The following ASIC2 variants were observed in gnomAD, a reference collection of about 807,000 sequenced individuals.
ASIC2 encodes acid-sensing ion channel 2.
ASIC2 carries 25 observed loss-of-function variants against 57.3 expected under a neutral mutation model. That is an observed-to-expected ratio of 0.44 (90% CI 0.32 to 0.61). The LOEUF (loss-of-function observed/expected upper bound fraction) is 0.61. Among genes scored for constraint, ASIC2 ranks in the 20% least tolerant of loss-of-function variants. ASIC2 has a pLI of 0.06. For synonymous variants in ASIC2, 319 were observed against 307.5 expected, an observed-to-expected ratio of 1.04 and a Z score of -0.39; for missense variants, 641 against 738.1, an observed-to-expected ratio of 0.87 and a Z score of 1.52.
At chr17:34,068,349 T>C (rs1442806385) in intron 1 of ASIC2, among the ~76,000 whole-genome samples, 1 of 152,172 alleles carries the variant, frequency 6.6e-6, no homozygotes, top group Non-Finnish European at 1.5e-5. Flanking sequence ...TCAGTGCTAA[T>C]AGAAAACTCA....
At chr17:33,308,047 T>C (rs1382227276) in intron 1 of ASIC2, among the ~76,000 whole-genome samples, 2 of 152,190 alleles carry the variant, frequency 1.3e-5, no homozygotes. Context: ...AAGGAAAGGA[T>C]CTTGAGTTTG....
chr17:34,108,980 T>C (rs1911166972), intron 1 of ASIC2, among the ~76,000 whole-genome samples: 2 of 151,966 alleles, frequency 1.3e-5, no homozygotes. Flanking sequence ...TGGAATATCT[T>C]ATCTTTTTAC....
At chr17:34,099,166 A>AGAGAGAG (rs1567820948) in intron 1 of ASIC2, among the ~76,000 whole-genome samples, 1 of 5,956 alleles carries the variant, frequency 1.7e-4, no homozygotes, top group African/African-American at 2.7e-4. Context: ...GAGAGAGAGA[A>AGAGAGAG]AGAAAGAAAG....
intron 3 of ASIC2, among the ~76,000 whole-genome samples, chr17:33,072,807 A>G (rs988841528): frequency 1.3e-5 from 2 of 152,226 alleles, no homozygotes; most frequent in Non-Finnish European, 2.9e-5. Context: ...GGCACCAGGC[A>G]GGGGCCTTAG....
At chr17:33,616,842 G>A (rs1028251903) in intron 1 of ASIC2, among the ~76,000 whole-genome samples, 16 of 152,220 alleles carry the variant, frequency 1.1e-4, no homozygotes, top group African/African-American at 2.7e-4. Flanking sequence ...GCCTTCAACA[G>A]ATAGTGGATA....
At chr17:33,864,852 G>C (rs7215211) in intron 1 of ASIC2, among the ~76,000 whole-genome samples, 4,451 of 152,262 alleles carry the variant, frequency 0.029, 197 homozygotes, top group African/African-American at 0.1. Context: ...GAGCCTTTCT[G>C]TCTCTGTAAA....
chr17:33,619,786 CT>C (rs1172371901), intron 1 of ASIC2, among the ~76,000 whole-genome samples: 28 of 152,080 alleles, frequency 1.8e-4, no homozygotes, highest in African/African-American at 6.5e-4. Flanking sequence ...ATTTGATGAC[CT>C]TTTCTGTGAT....
intron 1 of ASIC2, among the ~76,000 whole-genome samples, chr17:34,107,201 T>C (rs1391691224): frequency 2.0e-5 from 3 of 152,264 alleles, no homozygotes; most frequent in Non-Finnish European, 4.4e-5. Flanking sequence ...CTCGGTATCA[T>C]TTACACATCT....
At chr17:33,517,288 G>A (rs1425182540) in intron 1 of ASIC2, among the ~76,000 whole-genome samples, 1 of 152,110 alleles carries the variant, frequency 6.6e-6, no homozygotes, top group African/African-American at 2.4e-5. Flanking sequence ...GCTAGTTTTT[G>A]TATGTTTAGT....
chr17:33,679,462 A>T (rs1473853255), intron 1 of ASIC2, among the ~76,000 whole-genome samples: 3 of 152,146 alleles, frequency 2.0e-5, no homozygotes, highest in African/African-American at 7.2e-5. Context: ...TTCAGCAGGG[A>T]TTTCTTGGGG....
At chr17:33,310,620 G>A (rs1333438223) in intron 1 of ASIC2, among the ~76,000 whole-genome samples, 3 of 152,176 alleles carry the variant, frequency 2.0e-5, no homozygotes, top group Non-Finnish European at 4.4e-5. Context: ...GACACTGACT[G>A]TGCAAGGGTT....
At chr17:33,478,219 G>A (rs1280525068) in intron 1 of ASIC2, among the ~76,000 whole-genome samples, 1 of 152,232 alleles carries the variant, frequency 6.6e-6, no homozygotes. Context: ...AGGGGGCACA[G>A]CTGACAACTG....
chr17:33,530,551 G>T (rs186969309), intron 1 of ASIC2, among the ~76,000 whole-genome samples: 6 of 152,254 alleles, frequency 3.9e-5, no homozygotes. Context: ...GAACATAGGC[G>T]AGTGTACAGG....
intron 1 of ASIC2, among the ~76,000 whole-genome samples, chr17:33,463,643 CA>C (rs2141913449): frequency 6.6e-6 from 1 of 152,062 alleles, no homozygotes; most frequent in Non-Finnish European, 1.5e-5. Flanking sequence ...AAAAAGGAAA[CA>C]ACTGCGGGAG....
chr17:33,374,071 C>CT (rs555551358), intron 1 of ASIC2, among the ~76,000 whole-genome samples: 298 of 152,296 alleles, frequency 2.0e-3, no homozygotes, highest in Non-Finnish European at 3.2e-3. Flanking sequence ...TCTTGGCTCG[C>CT]TGCAACCACC....
intron 1 of ASIC2, among the ~76,000 whole-genome samples, chr17:33,194,147 A>G (rs187019247): frequency 2.2e-4 from 33 of 152,266 alleles, no homozygotes; most frequent in Admixed American, 1.4e-3. Context: ...CTGATTATCC[A>G]TGAACTTCCC....
intron 1 of ASIC2, among the ~76,000 whole-genome samples, chr17:34,132,294 G>A (rs9912762): frequency 0.47 from 70,991 of 151,854 alleles, 16,926 homozygotes; most frequent in Middle Eastern, 0.54. Flanking sequence ...TAAAGGTTGC[G>A]CAGACCCAAA....
chr17:33,283,347 A>G (rs1436961830), intron 1 of ASIC2, among the ~76,000 whole-genome samples: 1 of 152,194 alleles, frequency 6.6e-6, no homozygotes, highest in Non-Finnish European at 1.5e-5. Flanking sequence ...GACCAGCAGC[A>G]TCTGTACCAC....
chr17:33,315,862 A>G (rs1287701396), intron 1 of ASIC2, among the ~76,000 whole-genome samples: 2 of 152,206 alleles, frequency 1.3e-5, no homozygotes, highest in Non-Finnish European at 2.9e-5. Context: ...TTTGACATCA[A>G]ATAGACTTGG....
Sources: gnomAD v4.1 joint callset for allele counts (sites outside exome capture counted in the v4.1 genomes callset) on GRCh38, gnomAD v4.1.1 for gene constraint, MANE v1.5 for transcripts, NCBI Gene and HGNC (gene_info 2026-07-23, HGNC 2026-07-21) for gene names.